CSF1R: variants seen among roughly 807,000 people sequenced by gnomAD.
CSF1R encodes the protein macrophage colony-stimulating factor 1 receptor.
A neutral mutation model predicts 110.0 loss-of-function variants in CSF1R; 40 were observed. That is an observed-to-expected ratio of 0.36 (90% CI 0.28 to 0.47). CSF1R has a LOEUF of 0.47. CSF1R is among the 20% of genes least tolerant of loss of function. The pLI is 0.99. For synonymous variants in CSF1R, 523 were observed against 503.4 expected (o/e 1.04, Z -0.52); for missense variants, 1,052 against 1,253.0 (o/e 0.84, Z 2.42).
intron 5 of CSF1R, among the ~76,000 whole-genome samples, chr5:150,076,356 AT>A (rs1412768113): frequency 3.2e-4 from 47 of 147,602 alleles, no homozygotes; most frequent in African/African-American, 1.1e-3. Flanking sequence ...CTATCTATCT[AT>A]CTATCTATCT....
At chr5:150,089,347 A>G (rs1331080597), upstream of CSF1R, among the ~76,000 whole-genome samples, 1 of 152,236 alleles carries the variant, frequency 6.6e-6, no homozygotes, top group African/African-American at 2.4e-5. Flanking sequence ...AGCAACTATT[A>G]GAGTTAATAT....
upstream of CSF1R, among the ~76,000 whole-genome samples, chr5:150,087,389 G>A (rs906554402): frequency 6.6e-6 from 1 of 152,122 alleles, no homozygotes; most frequent in Non-Finnish European, 1.5e-5. Flanking sequence ...CTTTAGTACT[G>A]CAAAACTTTA....
Position 150,070,573 on chromosome 5 carries a change from T to TG in CSF1R, c.1083-3dup, listed in dbSNP as rs1486155923. On this transcript the variant is annotated splice_polypyrimidine_tract_variant and splice_region_variant and intron_variant, in intron 6 of 20. Transcript: ENST00000675795. ...GGCAGAGAGAGGGTGAAGGTGTGCC[T>TG]GCAGGAGAGAATCAGGTGGTGTTGG... The TG allele has an allele frequency of 6.6e-7, 1 of 1,513,320 alleles. No individual in the cohort carries two copies. Among genetic ancestry groups the TG allele is most frequent in the Admixed American group, 2.3e-5 (1 of 43,860 alleles). 93.7% of individuals were successfully genotyped at this position (1,513,320 alleles called of 1,614,324 possible). A position where few individuals can be genotyped will look rare whatever the true frequency, so the allele number is the denominator to read the frequency against.
At chr5:150,073,606 C>T (rs891820240) in intron 5 of CSF1R, 113 bp from the exon 6 acceptor site, 5 of 1,052,994 alleles carry the variant, frequency 4.7e-6, no homozygotes, top group African/African-American at 1.6e-5. Context: ...GTCACAGGTA[C>T]ATAGTCCCCA....
At chr5:150,081,076 T>C in intron 1 of CSF1R, 52 bp from the exon 2 acceptor site, 5 of 1,594,826 alleles carry the variant, frequency 3.1e-6, no homozygotes, top group Non-Finnish European at 4.3e-6. Context: ...ATGCGCCCCT[T>C]GGGCCGTCCT....
chr5:150,086,803 G>A (rs536428673), upstream of CSF1R, among the ~76,000 whole-genome samples: 7 of 152,274 alleles, frequency 4.6e-5, no homozygotes, highest in Admixed American at 6.5e-5. Flanking sequence ...CAGCCAGACC[G>A]TTAGTCAGTA....
rs535241834 is a variant in CSF1R at position 150,084,283 on chromosome 5, TC to T, written c.49+2095del. Among the ~76,000 whole-genome samples, 856 of 148,196 alleles carry T rather than the reference TC, an allele frequency of 5.8e-3. 15 individuals are homozygous for T. The highest frequency in any genetic ancestry group is 0.02 in the African/African-American group (793 of 40,424). ...AGGCGGAGGTTGCAGTGAGCCGAGATCCATGCCATTGCACTCCAGCCTGGGC... is the reference window on the plus strand; with the variant it reads ...AGGCGGAGGTTGCAGTGAGCCGAGATCATGCCATTGCACTCCAGCCTGGGC... On this transcript the variant is annotated intron_variant, in intron 1 of 20. Transcript: ENST00000675795.
chr5:150,075,396 C>A (rs1051046931), intron 5 of CSF1R, among the ~76,000 whole-genome samples: 3 of 152,138 alleles, frequency 2.0e-5, no homozygotes, highest in Non-Finnish European at 4.4e-5. Context: ...TCTGAGACCA[C>A]TTTTTTTCTC....
chr5:150,106,278 A>G (rs1381429811), intron 1 of CSF1R, among the ~76,000 whole-genome samples: 2 of 152,192 alleles, frequency 1.3e-5, no homozygotes, highest in Admixed American at 1.3e-4. Flanking sequence ...TGACAGCCCA[A>G]GGATTAGGAA....
chr5:150,058,172 G>A, intron 14 of CSF1R: 1 of 455,170 alleles, frequency 2.2e-6, no homozygotes, highest in Admixed American at 2.3e-5. Flanking sequence ...CTCATGTGCA[G>A]ATAAATCACC....
chr5:150,055,102 G>T, intron 19 of CSF1R, 135 bp downstream of exon 19: 3 of 689,502 alleles, frequency 4.4e-6, no homozygotes, highest in African/African-American at 1.8e-5. Context: ...GGGGCTTGTT[G>T]TGTCCACTAT....
At chr5:150,084,451 G>A (rs796860753) in intron 1 of CSF1R, among the ~76,000 whole-genome samples, 1 of 61,692 alleles carries the variant, frequency 1.6e-5, no homozygotes, top group African/African-American at 1.0e-4. Flanking sequence ...AGGAAGGAAG[G>A]AAGGAAGAAA....
At chr5:150,086,286 G>A in intron 1 of CSF1R, 93 bp downstream of exon 1, 1 of 1,286,470 alleles carries the variant, frequency 7.8e-7, no homozygotes, top group Non-Finnish European at 1.1e-6. Context: ...AACAGCCTGA[G>A]GACACCCAGT....
intron 6 of CSF1R, among the ~76,000 whole-genome samples, chr5:150,072,054 G>A (rs1276305244): frequency 1.3e-4 from 20 of 152,188 alleles, no homozygotes; most frequent in Non-Finnish European, 7.4e-5. Context: ...TACTGCCTGG[G>A]ACCTGTGTTG....
Position 150,068,261 on chromosome 5 carries a change from G to T in CSF1R, c.1580C>A (p.Ala527Asp). The T allele has an allele frequency of 6.2e-7, 1 of 1,612,784 alleles. No individual in the cohort carries two copies. Residue 527 changes from alanine to aspartate, a missense_variant, in exon 10 of 21, where the codon GCC becomes GAC. By Grantham distance (126) the Ala-to-Asp change is moderately radical (BLOSUM62 -2). Transcript: ENST00000675795. ...CAGCAGGAGCAGCAGCAGCAGCAAGGCCATGATGGACATGCAGGCGACCAC... is the reference window on the plus strand; with the variant it reads ...CAGCAGGAGCAGCAGCAGCAGCAAGTCCATGATGGACATGCAGGCGACCAC... ...PVVVACMSIM[A>D]LLLLLLLLLL...
chr5:150,105,279 C>T (rs1269154652), intron 1 of CSF1R, among the ~76,000 whole-genome samples: 1 of 137,274 alleles, frequency 7.3e-6, no homozygotes, highest in African/African-American at 2.7e-5. Context: ...ACCCAGGAGG[C>T]GGAGGTTGCA....
intron 10 of CSF1R, among the ~76,000 whole-genome samples, chr5:150,067,684 G>A (rs1458888425): frequency 6.6e-6 from 1 of 152,196 alleles, no homozygotes; most frequent in African/African-American, 2.4e-5. Flanking sequence ...TCTTAGGGCA[G>A]GGCTCAGGCC....
At chr5:150,063,316 G>C (rs528831889) in intron 10 of CSF1R, among the ~76,000 whole-genome samples, 3 of 152,020 alleles carry the variant, frequency 2.0e-5, no homozygotes, top group Non-Finnish European at 4.4e-5. Context: ...CGGGCAGTGA[G>C]AGACCCTGAG....
chr5:150,090,387 A>G (rs1040123259), upstream of CSF1R, among the ~76,000 whole-genome samples: 2 of 152,222 alleles, frequency 1.3e-5, no homozygotes, highest in African/African-American at 4.8e-5. Context: ...TAGTCAAGAT[A>G]TAGAACAGCT....
Sources: allele counts gnomAD v4.1 joint callset (sites outside exome capture counted in the v4.1 genomes callset), GRCh38; gene constraint gnomAD v4.1.1; transcripts MANE v1.5; gene names NCBI Gene and HGNC (gene_info 2026-07-23, HGNC 2026-07-21).